Variants in APLF observed in about 807,000 individuals in gnomAD.
APLF encodes the protein aprataxin and PNK-like factor.
In APLF, 61 loss-of-function variants were observed where a neutral mutation model predicts 55.6. The ratio of observed to expected loss-of-function variants is 1.10; its 90% confidence interval spans 0.89 to 1.36. APLF has a LOEUF of 1.36. APLF is among the 40% of genes most tolerant of loss of function. The pLI is 0.00. For synonymous variants in APLF, 207 were observed against 214.8 expected (o/e 0.96, Z 0.32); for missense variants, 611 against 602.5 (o/e 1.01, Z -0.15).
At chr2:68,478,665 A>T (rs1412305796) in intron 1 of APLF, among the ~76,000 whole-genome samples, 1 of 152,202 alleles carries the variant, frequency 6.6e-6, no homozygotes, top group Non-Finnish European at 1.5e-5. Context: ...ATCATTGAGG[A>T]GAAAGGATGT....
At chr2:68,544,389 T>G (rs1362402747) in intron 7 of APLF, among the ~76,000 whole-genome samples, 8 of 152,188 alleles carry the variant, frequency 5.3e-5, no homozygotes, top group Non-Finnish European at 2.9e-5. Context: ...AAGTTATGTG[T>G]TGTTGTTAAT....
chr2:68,554,527 A>G (rs758432276), intron 8 of APLF, among the ~76,000 whole-genome samples: 6 of 152,112 alleles, frequency 3.9e-5, no homozygotes, highest in Non-Finnish European at 5.9e-5. Context: ...CTACCTATCC[A>G]TGAACGTGGG....
At chr2:68,512,785 C>A (rs1294025764) in intron 3 of APLF, among the ~76,000 whole-genome samples, 1 of 151,612 alleles carries the variant, frequency 6.6e-6, no homozygotes, top group Non-Finnish European at 1.5e-5. Context: ...TTCTGTGGAC[C>A]ATCTGGACAA....
At chr2:68,485,811 T>C (rs1011577351) in intron 1 of APLF, among the ~76,000 whole-genome samples, 5 of 107,798 alleles carry the variant, frequency 4.6e-5, no homozygotes, top group South Asian at 2.4e-4. Flanking sequence ...TATTATCTCT[T>C]TTTTTTTTTT....
At chr2:68,496,976 G>C (rs1028485273) in intron 2 of APLF, among the ~76,000 whole-genome samples, 1 of 152,152 alleles carries the variant, frequency 6.6e-6, no homozygotes, top group African/African-American at 2.4e-5. Context: ...AGGGAGTTCT[G>C]AAGTCACTTC....
intron 8 of APLF, among the ~76,000 whole-genome samples, chr2:68,546,316 T>TA (rs1354059770): frequency 1.3e-5 from 2 of 152,042 alleles, no homozygotes; most frequent in Non-Finnish European, 2.9e-5. Context: ...TGTTTGGTTT[T>TA]AATGGCAGGT....
At chr2:68,490,287 T>G in intron 2 of APLF, 26 bp downstream of exon 2, 1 of 1,595,510 alleles carries the variant, frequency 6.3e-7, no homozygotes, top group Middle Eastern at 1.7e-4. Flanking sequence ...ATGATTCATT[T>G]TAACTTTCAT....
chr2:68,511,718 G>C lies in APLF; in HGVS notation c.342-1362G>C, dbSNP rs149906923. Among the ~76,000 whole-genome samples the C allele has an allele frequency of 6.8e-3, 1,024 of 151,652 alleles. 3 individuals carry two copies. The highest frequency in any genetic ancestry group is 0.012 in the Non-Finnish European group (816 of 67,718). The stretch of plus-strand genomic sequence containing the variant: ...GTAACCTGTGAGTAAAACAGGACTG[G>C]GTATTGTAGTGGAGTGAACTTTCAT... On this transcript the variant is annotated intron_variant, in intron 3 of 9. Coordinates refer to ENST00000303795, the MANE Select transcript of APLF (RefSeq NM_173545.3).
Position 68,579,911 on chromosome 2 carries a change from C to A in APLF, c.*1889C>A. ...AATATATTACAAACAATGCATTGTA[C>A]ACTTTCAAAGGGTAGATTTCATTGC... On this transcript the variant is annotated 3_prime_UTR_variant, in exon 10 of 10. Coordinates refer to ENST00000303795, the MANE Select transcript of APLF (RefSeq NM_173545.3). 1 of 528,338 alleles carries A rather than the reference C, an allele frequency of 1.9e-6. No homozygotes were observed. Among genetic ancestry groups the A allele is most frequent in the Non-Finnish European group, 2.4e-6 (1 of 412,728 alleles). The allele number at this position is 528,338 out of a possible 1,614,324, so 32.7% of individuals were successfully genotyped here.
chr2:68,502,170 A>G (rs1467593755), intron 2 of APLF, among the ~76,000 whole-genome samples: 2 of 152,174 alleles, frequency 1.3e-5, no homozygotes, highest in African/African-American at 2.4e-5. Context: ...TATGACCTAC[A>G]TGTTAAAGGT....
In APLF at chr2:68,502,846, A is replaced by T. The variant is rs1676763930; in HGVS notation, c.284A>T (p.Lys95Ile). The change falls in exon 3 of 10, where the codon AAA (lysine) becomes ATA (isoleucine). Residue 95 changes from lysine to isoleucine, a missense_variant. Coordinates refer to ENST00000303795, the MANE Select transcript of APLF (RefSeq NM_173545.3). ...GACAGCTTTTCTTTGTTAGTTGACA[A>T]ATACATTTTCCGCATTCTCTCTATA... The part of the protein sequence containing the change: ...PGDSFSLLVD[K>I]YIFRILSIPS... 1.2e-6 allele frequency: 2 copies of T among 1,606,970 alleles called. No individual in the cohort carries two copies. The highest frequency in any genetic ancestry group is 1.7e-6 in the Non-Finnish European group (2 of 1,177,684).
intron 1 of APLF, among the ~76,000 whole-genome samples, chr2:68,473,592 A>G (rs1370556109): frequency 6.6e-6 from 1 of 152,202 alleles, no homozygotes; most frequent in African/African-American, 2.4e-5. Context: ...AAACCGCCAA[A>G]CTGTCTTCCA....
intron 9 of APLF, among the ~76,000 whole-genome samples, chr2:68,576,361 C>G (rs984136240): frequency 6.6e-6 from 1 of 151,926 alleles, no homozygotes; most frequent in African/African-American, 2.4e-5. Flanking sequence ...AAAACATGCC[C>G]TCAAGATGTT....
chr2:68,568,144 C>A, intron 9 of APLF: 1 of 351,576 alleles, frequency 2.8e-6, no homozygotes, highest in Non-Finnish European at 4.0e-6. Flanking sequence ...CTACTTACCT[C>A]AATCTGTTTT....
intron 8 of APLF, among the ~76,000 whole-genome samples, chr2:68,564,241 A>G (rs778093915): frequency 6.6e-6 from 1 of 152,078 alleles, no homozygotes; most frequent in Non-Finnish European, 1.5e-5. Context: ...CTTCATCACA[A>G]CTAAGTTGTA....
rs777007925 is a variant in APLF, at chr2:68,538,209, A to G, written c.1142A>G (p.Tyr381Cys). ...GNKVKRTSCM[Y>C]GANCYRKNPV... ...AAGGTCAAGAGGACATCCTGCATGT[A>G]TGGGGCAAACTGCTATAGGTAAAAT... Residue 381 changes from tyrosine (Y) to cysteine (C), a missense_variant, in exon 7 of 10, where the codon TAT becomes TGT. Tyr to Cys is a radical substitution (Grantham distance 194). Transcript: ENST00000303795. 7.6e-5 allele frequency: 122 copies of G among 1,606,748 alleles called. No homozygotes were observed. Among genetic ancestry groups the G allele is most frequent in the Non-Finnish European group, 9.8e-5 (115 of 1,177,636 alleles).
chr2:68,525,738 C>CTTTTTTT (rs1316999754), intron 5 of APLF, among the ~76,000 whole-genome samples: 3 of 106,852 alleles, frequency 2.8e-5, no homozygotes, highest in African/African-American at 1.4e-4. Context: ...TATTTTCTTT[C>CTTTTTTT]TTTCTTTTTT....
At chr2:68,519,048 ATAATATATAAT>A (rs1179356789) in intron 5 of APLF, among the ~76,000 whole-genome samples, 2 of 127,764 alleles carry the variant, frequency 1.6e-5, no homozygotes, top group Non-Finnish European at 3.1e-5. Flanking sequence ...ATATAATAAT[ATAATATATAAT>A]TAATATATAA....
Position 68,579,516 on chromosome 2 carries a change from C to A in APLF, c.*1494C>A. The A allele has an allele frequency of 1.6e-6, 1 of 625,968 alleles. No individual in the cohort carries two copies. Among genetic ancestry groups the A allele is most frequent in the Non-Finnish European group, 2.0e-6 (1 of 502,222 alleles). The allele number at this position is 625,968 out of a possible 1,614,324, so 38.8% of individuals were successfully genotyped here. A position where few individuals can be genotyped will look rare whatever the true frequency, so the allele number is the denominator to read the frequency against. Reference sequence around the variant, plus strand: ...ATGTCAATAGAAGCATTATTCTTAACAGCCAAAAAGTATAAACACCCAAAG... The same window carrying A: ...ATGTCAATAGAAGCATTATTCTTAAAAGCCAAAAAGTATAAACACCCAAAG... On this transcript the variant is annotated 3_prime_UTR_variant, in exon 10 of 10. Transcript: ENST00000303795.
Sources: gnomAD v4.1 joint callset for allele counts (sites outside exome capture counted in the v4.1 genomes callset) on GRCh38, gnomAD v4.1.1 for gene constraint, MANE v1.5 for transcripts, NCBI Gene and HGNC (gene_info 2026-07-23, HGNC 2026-07-21) for gene names.